CNTN5: variants seen among roughly 807,000 people sequenced by gnomAD.
CNTN5 encodes contactin 5, also known as contactin-5.
In CNTN5, 77 loss-of-function variants were observed where a neutral mutation model predicts 129.1. The ratio of observed to expected loss-of-function variants is 0.60; its 90% confidence interval spans 0.50 to 0.72. The LOEUF (loss-of-function observed/expected upper bound fraction) is 0.72. CNTN5 is among the 30% of genes least tolerant of loss of function. CNTN5 has a pLI of 0.00. For missense variants in CNTN5, 1,478 were observed against 1,328.8 expected (o/e 1.11, Z -1.75); for synonymous variants, 509 against 465.6 (o/e 1.09, Z -1.20).
intron 9 of CNTN5, among the ~76,000 whole-genome samples, chr11:100,032,917 C>T (rs4145959): frequency 0.3 from 45,767 of 151,842 alleles, 7,164 homozygotes; most frequent in East Asian, 0.47. Flanking sequence ...TAGAAGAATA[C>T]AATTCTTAAA....
rs1286383837 is a variant in CNTN5, at chr11:100,357,674, A to ATAACTGTATTTT, written c.*1456_*1457insACTGTATTTTTA. ...GAACAAAAATTGGTTTTATAATTTT[A>ATAACTGTATTTT]TATAATTTAAACTTGTTAACTGTAT... On this transcript the variant is annotated 3_prime_UTR_variant, in exon 25 of 25. Coordinates refer to ENST00000524871, the MANE Select transcript of CNTN5 (RefSeq NM_014361.4). The ATAACTGTATTTT allele has an allele frequency of 1.1e-3, 171 of 151,936 alleles. No individual in the cohort carries two copies. Among genetic ancestry groups the ATAACTGTATTTT allele is most frequent in the African/African-American group, 4.0e-3 (165 of 41,530 alleles). 9.4% of individuals were successfully genotyped at this position (151,936 alleles called of 1,614,324 possible).
chr11:100,345,187 T>A (rs78342311), intron 23 of CNTN5, among the ~76,000 whole-genome samples: 11,447 of 152,220 alleles, frequency 0.075, 588 homozygotes, highest in Non-Finnish European at 0.12. Flanking sequence ...AGATCAAGGC[T>A]CCAGCAAATT....
chr11:99,447,791 G>A (rs904794190), intron 2 of CNTN5, among the ~76,000 whole-genome samples: 1 of 152,108 alleles, frequency 6.6e-6, no homozygotes, highest in Non-Finnish European at 1.5e-5. Context: ...TGGGTGTCGT[G>A]GTGGGTTCCT....
chr11:100,273,186 C>T (rs116276130), intron 18 of CNTN5, among the ~76,000 whole-genome samples: 3,353 of 152,186 alleles, frequency 0.022, 55 homozygotes, highest in Middle Eastern at 0.048. Context: ...ATAGCTTCTC[C>T]TCTGGCAGAC....
intron 9 of CNTN5, among the ~76,000 whole-genome samples, chr11:100,006,140 T>C (rs181103811): frequency 3.9e-5 from 6 of 152,256 alleles, no homozygotes; most frequent in Admixed American, 3.9e-4. Flanking sequence ...CTTACATACA[T>C]ACAACAATTT....
At chr11:99,247,259 A>C (rs1274806526) in intron 1 of CNTN5, among the ~76,000 whole-genome samples, 1 of 152,114 alleles carries the variant, frequency 6.6e-6, no homozygotes, top group African/African-American at 2.4e-5. Flanking sequence ...CCATTTAAAG[A>C]TATAATTTGT....
At chr11:99,333,430 C>G (rs1008366705) in intron 2 of CNTN5, among the ~76,000 whole-genome samples, 1 of 151,982 alleles carries the variant, frequency 6.6e-6, no homozygotes, top group African/African-American at 2.4e-5. Flanking sequence ...ATCTGCAAGA[C>G]TTAGCATGAC....
chr11:100,304,185 C>T lies in CNTN5; in HGVS notation c.2621-4174C>T, dbSNP rs562458591. Among the ~76,000 whole-genome samples the T allele has an allele frequency of 4.0e-5, 6 of 151,676 alleles. No homozygotes were observed. In the South Asian group the frequency reaches 1.2e-3, roughly 31 times the overall value. On this transcript the variant is annotated intron_variant, in intron 20 of 24. Transcript: ENST00000524871. Reference sequence around the variant, plus strand: ...TATCAGAAACAAACGTATCAATCAACCTGTCCACTACATATCCCAAGATTA... The same window carrying T: ...TATCAGAAACAAACGTATCAATCAATCTGTCCACTACATATCCCAAGATTA...
intron 1 of CNTN5, among the ~76,000 whole-genome samples, chr11:99,273,215 G>T (rs1252277730): frequency 6.6e-6 from 1 of 151,734 alleles, no homozygotes; most frequent in Non-Finnish European, 1.5e-5. Context: ...CTTGTTTGGA[G>T]CTCGGGAAGC....
intron 21 of CNTN5, among the ~76,000 whole-genome samples, chr11:100,310,042 C>G (rs992100096): frequency 6.6e-6 from 1 of 151,914 alleles, no homozygotes; most frequent in Non-Finnish European, 1.5e-5. Context: ...GAACCACATT[C>G]TTGCTCAGCT....
At chr11:100,071,039 G>T (rs2137868351) in intron 11 of CNTN5, among the ~76,000 whole-genome samples, 1 of 151,848 alleles carries the variant, frequency 6.6e-6, no homozygotes. Flanking sequence ...ACATTTGGAG[G>T]TTTAACAACA....
intron 6 of CNTN5, among the ~76,000 whole-genome samples, chr11:99,914,147 G>T (rs1024300872): frequency 6.6e-6 from 1 of 152,004 alleles, no homozygotes; most frequent in Admixed American, 6.6e-5. Context: ...TGAGACTGGA[G>T]GATTTCTTGA....
intron 9 of CNTN5, among the ~76,000 whole-genome samples, chr11:100,019,628 G>C (rs1340815534): frequency 6.6e-6 from 1 of 151,832 alleles, no homozygotes; most frequent in East Asian, 1.9e-4. Context: ...TATCTTGGCT[G>C]TTATAAATAT....
chr11:99,939,886 A>G lies in CNTN5; in HGVS notation c.674-16920A>G, dbSNP rs137965330. Among the ~76,000 whole-genome samples the G allele has an allele frequency of 1.2e-3, 182 of 152,326 alleles. 1 individual carries two copies. Among genetic ancestry groups the G allele is most frequent in the Non-Finnish European group, 2.0e-3 (136 of 68,018 alleles). On this transcript the variant is annotated intron_variant, in intron 7 of 24. Transcript: ENST00000524871. ...GAGGTATTGTGTTCTGCTCTTAAAA[A>G]TAAAATGAAAACTCAAAGCAGTTAG...
intron 3 of CNTN5, among the ~76,000 whole-genome samples, chr11:99,752,900 A>G (rs968283640): frequency 1.3e-5 from 2 of 152,206 alleles, no homozygotes; most frequent in African/African-American, 2.4e-5. Flanking sequence ...GAAGAATAGA[A>G]TATACAAGTG....
At chr11:99,995,067 A>G (rs1442024602) in intron 8 of CNTN5, among the ~76,000 whole-genome samples, 1 of 152,232 alleles carries the variant, frequency 6.6e-6, no homozygotes, top group Non-Finnish European at 1.5e-5. Flanking sequence ...CACTCAGTTC[A>G]CTTGCTATTT....
At chr11:100,211,441 C>T (rs1038652870) in intron 15 of CNTN5, among the ~76,000 whole-genome samples, 1 of 150,922 alleles carries the variant, frequency 6.6e-6, no homozygotes, top group Non-Finnish European at 1.5e-5. Context: ...TTGTAGCAGA[C>T]AACCACAGTG....
chr11:99,981,103 T>TATATATATATATATATATATATATAC (rs1014330113), intron 8 of CNTN5, among the ~76,000 whole-genome samples: 12 of 54,498 alleles, frequency 2.2e-4, no homozygotes, highest in East Asian at 1.5e-3. Flanking sequence ...TATATATATA[T>TATATATATATATATATATATATATAC]ACACACACAC....
intron 3 of CNTN5, among the ~76,000 whole-genome samples, chr11:99,662,390 A>G (rs554525220): frequency 3.0e-4 from 46 of 152,344 alleles, no homozygotes; most frequent in African/African-American, 1.1e-3. Flanking sequence ...ATAAGATTTA[A>G]GAAATGTAAA....
Sources: allele counts gnomAD v4.1 joint callset (sites outside exome capture counted in the v4.1 genomes callset), GRCh38; gene constraint gnomAD v4.1.1; transcripts MANE v1.5; gene names NCBI Gene and HGNC (gene_info 2026-07-23, HGNC 2026-07-21).